Variants in ATP8A1 observed in about 807,000 individuals in gnomAD.
ATP8A1 encodes the protein phospholipid-transporting ATPase IA.
ATP8A1 carries 90 observed loss-of-function variants against 177.7 expected under a neutral mutation model. That is an observed-to-expected ratio of 0.51 (90% CI 0.43 to 0.60). The LOEUF (loss-of-function observed/expected upper bound fraction) is 0.60, where lower values mean the gene tolerates loss of function less well. Among genes scored for constraint, ATP8A1 ranks in the 20% least tolerant of loss-of-function variants. The probability of loss-of-function intolerance (pLI) is 0.00; values close to 1 mark genes in which losing one functional copy is unlikely to be tolerated. For missense variants in ATP8A1, 1,072 were observed against 1,392.8 expected (o/e 0.77, Z 3.67); for synonymous variants, 493 against 485.9 (o/e 1.01, Z -0.19).
At position 42,534,749 on chromosome 4, in the gene ATP8A1, A is replaced by G. The variant is rs1275244025; in HGVS notation, c.1722+9168T>C. ...TCAAGATGAAGAAAAAAATCTTAAG[A>G]GCTATGAGGCAAAAACATCAGGTAA... On this transcript the variant is annotated intron_variant, in intron 20 of 36. Transcript: ENST00000381668. Among the ~76,000 whole-genome samples the G allele has an allele frequency of 2.0e-5, 3 of 152,178 alleles. 1 individual carries two copies. Among genetic ancestry groups the G allele is most frequent in the African/African-American group, 7.2e-5 (3 of 41,440 alleles).
intron 2 of ATP8A1, chr4:42,626,475 G>A (rs1738101325): frequency 6.5e-6 from 1 of 152,694 alleles, no homozygotes; most frequent in Admixed American, 6.5e-5. Context: ...CCGCATAAGT[G>A]GCCAGTGCTT....
chr4:42,453,061 G>A (rs1345560065), intron 29 of ATP8A1, among the ~76,000 whole-genome samples: 1 of 152,128 alleles, frequency 6.6e-6, no homozygotes, highest in Non-Finnish European at 1.5e-5. Context: ...TCCTCACTGT[G>A]TCATTACCAC....
intron 6 of ATP8A1, chr4:42,594,444 TAC>T (rs33933178): frequency 0.57 from 435,470 of 757,974 alleles, 128,963 homozygotes; most frequent in South Asian, 0.66. Context: ...AAGCATAGAA[TAC>T]ACAGTAAAAA....
intron 35 of ATP8A1, 44 bp downstream of exon 35, chr4:42,422,763 T>C (rs776137583): frequency 2.7e-6 from 4 of 1,491,644 alleles, no homozygotes; most frequent in Non-Finnish European, 3.7e-6. Flanking sequence ...ACAAGATAAA[T>C]TTAAAGTTCA....
chr4:42,427,873 T>C (rs571496560), intron 33 of ATP8A1, among the ~76,000 whole-genome samples: 3 of 152,370 alleles, frequency 2.0e-5, no homozygotes, highest in South Asian at 2.1e-4. Flanking sequence ...AAGGTATTGA[T>C]TGATTATGGA....
rs71200290 is a variant in ATP8A1, at chr4:42,479,996, T to TTGTGTATGTGTG, written c.2324+5499_2324+5500insCACACATACACA. Among the ~76,000 whole-genome samples the TTGTGTATGTGTG allele has an allele frequency of 4.9e-3, 671 of 135,656 alleles. 4 individuals carry two copies. The highest frequency in any genetic ancestry group is 8.0e-3 in the Non-Finnish European group (512 of 64,252). The allele number at this position is 135,656 out of a possible 152,430, so 89.0% of individuals were successfully genotyped here. On this transcript the variant is annotated intron_variant, in intron 25 of 36. Coordinates refer to ENST00000381668, the MANE Select transcript of ATP8A1 (RefSeq NM_006095.2). ...AGAATTATGTAATCTGCAGTTCTGCTTGTGTGTGTGTGTGTGTGTGTGTGT... is the reference window on the plus strand; with the variant it reads ...AGAATTATGTAATCTGCAGTTCTGCTTGTGTATGTGTGTGTGTGTGTGTGTGTGTGTGTGTGT...
intron 1 of ATP8A1, among the ~76,000 whole-genome samples, chr4:42,650,774 G>A (rs1741012494): frequency 6.6e-6 from 1 of 152,178 alleles, no homozygotes; most frequent in Non-Finnish European, 1.5e-5. Context: ...GTTTTTGTGT[G>A]TGTGCATTTC....
chr4:42,414,596 T>A (rs1299959187), intron 36 of ATP8A1, 31 bp downstream of exon 36: 29 of 1,565,012 alleles, frequency 1.9e-5, no homozygotes, highest in Non-Finnish European at 2.5e-5. Flanking sequence ...GGCAGAGAAT[T>A]TATTTAAAAA....
chr4:42,544,437 A>C (rs928720861), intron 19 of ATP8A1, among the ~76,000 whole-genome samples: 1 of 152,262 alleles, frequency 6.6e-6, no homozygotes, highest in Non-Finnish European at 1.5e-5. Context: ...GGCAAATACT[A>C]GTACTTTAAA....
rs376519029 is a variant in ATP8A1 at position 42,438,094 on chromosome 4, G to C, written c.3123+5471C>G. On this transcript the variant is annotated intron_variant, in intron 33 of 36. Coordinates refer to ENST00000381668, the MANE Select transcript of ATP8A1 (RefSeq NM_006095.2). ...TAAAGTTGATAAGTCTGGGAGAAAA[G>C]CCACAGGGAAGGGGAAAGAAAAGAT... is the stretch of plus-strand genomic sequence containing the variant. Among the ~76,000 whole-genome samples the C allele has an allele frequency of 1.1e-4, 16 of 152,296 alleles. No homozygotes were observed. The East Asian group carries it at 2.9e-3, about 28-fold the overall frequency.
chr4:42,614,368 T>C (rs1001817190), intron 5 of ATP8A1, among the ~76,000 whole-genome samples: 13 of 152,236 alleles, frequency 8.5e-5, no homozygotes, highest in African/African-American at 3.1e-4. Flanking sequence ...AAAGCATTTA[T>C]GTACTTCTGT....
intron 20 of ATP8A1, among the ~76,000 whole-genome samples, chr4:42,528,570 C>T (rs1463395989): frequency 1.3e-5 from 2 of 151,838 alleles, no homozygotes; most frequent in Non-Finnish European, 2.9e-5. Context: ...TAACACATCT[C>T]CTGGTATCTG....
chr4:42,625,604 G>A lies in ATP8A1; in HGVS notation c.264+10C>T, dbSNP rs764875327. 8 of 1,561,264 alleles carry A rather than the reference G, an allele frequency of 5.1e-6. No homozygotes were observed. The highest frequency in any genetic ancestry group is 2.7e-5 in the African/African-American group (2 of 73,156). The stretch of plus-strand genomic sequence containing the variant: ...TGAACATTTGACAAGGTTTTATGAC[G>A]TGACTTTACCTGCAGCAGTGCAATA... On this transcript the variant is annotated intron_variant, in intron 3 of 36. Coordinates refer to ENST00000381668, the MANE Select transcript of ATP8A1 (RefSeq NM_006095.2).
Position 42,657,017 on chromosome 4 carries a change from C to T in ATP8A1, c.-144G>A, listed in dbSNP as rs1741712132. The T allele has an allele frequency of 1.2e-6, 1 of 823,362 alleles. No homozygotes were observed. The highest frequency in any genetic ancestry group is 1.6e-6 in the Non-Finnish European group (1 of 613,500). 51.0% of individuals were successfully genotyped at this position (823,362 alleles called of 1,614,324 possible). ...CGCCCACCTAGGGCAGAGCTGCCGC[C>T]GGGCGCGGCCCCCGCACGCCGACAG... On this transcript the variant is annotated 5_prime_UTR_variant, in exon 1 of 37. Coordinates refer to ENST00000381668, the MANE Select transcript of ATP8A1 (RefSeq NM_006095.2).
At chr4:42,569,004 G>C (rs1383406320) in intron 15 of ATP8A1, among the ~76,000 whole-genome samples, 157 bp downstream of exon 15, 3 of 152,010 alleles carry the variant, frequency 2.0e-5, no homozygotes, top group African/African-American at 7.3e-5. Context: ...TAGATTTCAA[G>C]AAATATCTAC....
chr4:42,586,312 T>C, intron 9 of ATP8A1, 37 bp downstream of exon 9: 1 of 1,605,598 alleles, frequency 6.2e-7, no homozygotes, highest in South Asian at 1.1e-5. Context: ...TATGACACAG[T>C]GGATTCTGTG....
chr4:42,590,258 C>T (rs1577657374), intron 7 of ATP8A1, among the ~76,000 whole-genome samples: 1 of 152,140 alleles, frequency 6.6e-6, no homozygotes, highest in Non-Finnish European at 1.5e-5. Flanking sequence ...AAAAGTCGAT[C>T]CCAAAGCATG....
intron 1 of ATP8A1, among the ~76,000 whole-genome samples, chr4:42,638,344 T>C (rs1739596691): frequency 6.6e-6 from 1 of 152,246 alleles, no homozygotes; most frequent in African/African-American, 2.4e-5. Context: ...TAACATTTCT[T>C]GAACTCACGC....
chr4:42,589,993 C>T (rs1300993763), intron 7 of ATP8A1, among the ~76,000 whole-genome samples: 1 of 152,056 alleles, frequency 6.6e-6, no homozygotes, highest in Non-Finnish European at 1.5e-5. Context: ...TCACTTAGGA[C>T]AGCAGTTACT....
Sources: allele counts gnomAD v4.1 joint callset (sites outside exome capture counted in the v4.1 genomes callset), GRCh38; gene constraint gnomAD v4.1.1; transcripts MANE v1.5; gene names NCBI Gene and HGNC (gene_info 2026-07-23, HGNC 2026-07-21).